Variants in NIBAN2 observed in about 807,000 individuals in gnomAD.
NIBAN2 encodes niban apoptosis regulator 2.
A neutral mutation model predicts 81.8 loss-of-function variants in NIBAN2; 36 were observed. The observed-to-expected ratio is 0.44, with a 90% confidence interval of 0.34 to 0.58. The LOEUF (loss-of-function observed/expected upper bound fraction) is 0.58, where lower values mean the gene tolerates loss of function less well. Among genes scored for constraint, NIBAN2 ranks in the 20% least tolerant of loss-of-function variants. The pLI is 0.02. For missense variants in NIBAN2, 897 were observed against 1,014.1 expected (o/e 0.88, Z 1.57); for synonymous variants, 445 against 441.6 (o/e 1.01, Z -0.10).
intron 1 of NIBAN2, among the ~76,000 whole-genome samples, chr9:127,564,875 A>G (rs1176544297): frequency 2.6e-5 from 4 of 152,280 alleles, no homozygotes; most frequent in Non-Finnish European, 5.9e-5. Flanking sequence ...AAAAAAAAAA[A>G]AAAAATCTGT....
In NIBAN2 at chr9:127,566,282, G is replaced by A. The variant is rs189268148; in HGVS notation, c.55+2538C>T. Among the ~76,000 whole-genome samples, 237 of 152,218 alleles carry A rather than the reference G, an allele frequency of 1.6e-3. 2 individuals carry two copies. The highest frequency in any genetic ancestry group is 6.8e-3 in the Middle Eastern group (2 of 294). ...AGCCATCGAGTGGCCCACCCACTTC[G>A]GTTCACAACTAGGGAAACTGAGACC... On this transcript the variant is annotated intron_variant, in intron 1 of 13. Coordinates refer to ENST00000373312, the MANE Select transcript of NIBAN2 (RefSeq NM_022833.4).
upstream of NIBAN2, among the ~76,000 whole-genome samples, chr9:127,571,097 T>C (rs141770488): frequency 4.4e-3 from 675 of 152,370 alleles, 11 homozygotes; most frequent in East Asian, 0.065. Context: ...CAGAGGCATC[T>C]TCTTGGCTGG....
At chr9:127,552,878 G>A (rs977192706) in intron 1 of NIBAN2, among the ~76,000 whole-genome samples, 5 of 151,938 alleles carry the variant, frequency 3.3e-5, no homozygotes, top group African/African-American at 7.3e-5. Flanking sequence ...TTTAAGTAGA[G>A]ACAGGGTTTC....
chr9:127,574,846 C>T (rs1211371204), intron 1 of NIBAN2, among the ~76,000 whole-genome samples: 2 of 150,768 alleles, frequency 1.3e-5, no homozygotes, highest in Non-Finnish European at 1.5e-5. Flanking sequence ...TGGAAAGGTC[C>T]GTAGCTTACA....
At chr9:127,528,772 G>C (rs1837124668) in intron 2 of NIBAN2, among the ~76,000 whole-genome samples, 1 of 152,228 alleles carries the variant, frequency 6.6e-6, no homozygotes, top group African/African-American at 2.4e-5. Flanking sequence ...CCCACACCCA[G>C]CTCAAATCCC....
intron 1 of NIBAN2, among the ~76,000 whole-genome samples, chr9:127,548,625 C>G (rs1837517134): frequency 6.6e-6 from 1 of 152,168 alleles, no homozygotes; most frequent in Admixed American, 6.5e-5. Context: ...TCTCTCTTCT[C>G]TTATTGCATT....
chr9:127,573,733 A>C (rs1215384847), upstream of NIBAN2, among the ~76,000 whole-genome samples: 3 of 152,148 alleles, frequency 2.0e-5, no homozygotes, highest in Non-Finnish European at 4.4e-5. Context: ...TGCTCACTGC[A>C]ATCTCTACCT....
intron 1 of NIBAN2, among the ~76,000 whole-genome samples, chr9:127,549,482 T>C (rs1270089262): frequency 6.6e-6 from 1 of 152,128 alleles, no homozygotes; most frequent in Non-Finnish European, 1.5e-5. Flanking sequence ...CACACACATG[T>C]ACACTCACAC....
intron 5 of NIBAN2, among the ~76,000 whole-genome samples, chr9:127,520,229 CTTTT>C (rs61128001): frequency 8.2e-5 from 9 of 109,520 alleles, no homozygotes; most frequent in Non-Finnish European, 9.2e-5. Context: ...GACCCAGGGT[CTTTT>C]TTTTTTTTTT....
At chr9:127,557,702 G>A (rs548995695) in intron 1 of NIBAN2, among the ~76,000 whole-genome samples, 42 of 152,220 alleles carry the variant, frequency 2.8e-4, no homozygotes, top group African/African-American at 7.5e-4. Context: ...GGACCAGGCC[G>A]GCTCTCAGGT....
At position 127,508,837 on chromosome 9, in the gene NIBAN2, C is replaced by T; in HGVS notation, c.1317+139G>A. The T allele has an allele frequency of 1.0e-6, 1 of 983,110 alleles. No homozygotes were observed. The highest frequency in any genetic ancestry group is 1.6e-5 in the African/African-American group (1 of 61,708). 60.9% of individuals were successfully genotyped at this position (983,110 alleles called of 1,614,324 possible). A position where few individuals can be genotyped will look rare whatever the true frequency, so the allele number is the denominator to read the frequency against. ...CCAGGTGGGCAGAGGCACAGATGTT[C>T]CAAGCAGAGGAGGAGAGAGCGTGCC... On this transcript the variant is annotated intron_variant, in intron 10 of 13. Transcript: ENST00000373312. The surrounding 1 kb of genome is among the most constrained non-coding windows in gnomAD (Gnocchi z 6.4).
chr9:127,565,672 T>C (rs575173293), intron 1 of NIBAN2, among the ~76,000 whole-genome samples: 52 of 147,986 alleles, frequency 3.5e-4, no homozygotes, highest in Non-Finnish European at 6.5e-4. Flanking sequence ...TGTGTACCTG[T>C]AACAGAGGGC....
Position 127,506,450 on chromosome 9 carries a change from T to G in NIBAN2, c.*395A>C. The stretch of plus-strand genomic sequence containing the variant: ...GGTCCTGGCCCAGCCAGCTCCTGGG[T>G]GAGTGGGCGGGAACCCACTGGGCTC... On this transcript the variant is annotated 3_prime_UTR_variant, in exon 14 of 14. Coordinates refer to ENST00000373312, the MANE Select transcript of NIBAN2 (RefSeq NM_022833.4). 6.0e-6 allele frequency: 1 copy of G among 166,234 alleles called. No individual in the cohort carries two copies. Among genetic ancestry groups the G allele is most frequent in the Non-Finnish European group, 1.3e-5 (1 of 77,666 alleles). The allele number at this position is 166,234 out of a possible 1,614,324, so 10.3% of individuals were successfully genotyped here. A position where few individuals can be genotyped will look rare whatever the true frequency, so the allele number is the denominator to read the frequency against.
At chr9:127,550,306 G>A (rs139477815) in intron 1 of NIBAN2, among the ~76,000 whole-genome samples, 172 of 152,314 alleles carry the variant, frequency 1.1e-3, no homozygotes, top group Middle Eastern at 6.8e-3. Flanking sequence ...AAGCCCAGAG[G>A]AGCCCACCAT....
intron 5 of NIBAN2, among the ~76,000 whole-genome samples, chr9:127,520,082 T>C (rs1446352913): frequency 3.3e-5 from 5 of 152,126 alleles, no homozygotes; most frequent in Admixed American, 2.0e-4. Flanking sequence ...AGCCGCTGAG[T>C]GTGACAAGTT....
At chr9:127,540,781 C>T (rs773745298) in intron 1 of NIBAN2, among the ~76,000 whole-genome samples, 6 of 152,272 alleles carry the variant, frequency 3.9e-5, no homozygotes, top group Non-Finnish European at 7.3e-5. Flanking sequence ...ACGCCGGCGC[C>T]AGCCCTGGTT....
chr9:127,540,549 C>T (rs76426250), intron 1 of NIBAN2, among the ~76,000 whole-genome samples: 1,747 of 152,336 alleles, frequency 0.011, 43 homozygotes, highest in African/African-American at 0.038. Context: ...AACCTCGGGC[C>T]AGGTGGTATT....
intron 1 of NIBAN2, among the ~76,000 whole-genome samples, chr9:127,544,772 A>G (rs1837441092): frequency 6.6e-6 from 1 of 152,126 alleles, no homozygotes; most frequent in African/African-American, 2.4e-5. Flanking sequence ...CCGAAGTGCT[A>G]GGATTACAGG....
At chr9:127,556,394 C>G (rs977440201) in intron 1 of NIBAN2, among the ~76,000 whole-genome samples, 4 of 152,174 alleles carry the variant, frequency 2.6e-5, no homozygotes, top group African/African-American at 9.7e-5. Context: ...CTGCACCTAC[C>G]AGGACCTTCA....
Sources: allele counts gnomAD v4.1 joint callset (sites outside exome capture counted in the v4.1 genomes callset), GRCh38; gene constraint gnomAD v4.1.1; non-coding constraint Gnocchi (gnomAD v3.1); transcripts MANE v1.5; gene names NCBI Gene and HGNC (gene_info 2026-07-23, HGNC 2026-07-21).